Variants in DOCK4 observed in about 807,000 individuals in gnomAD.
The protein encoded by DOCK4 is dedicator of cytokinesis protein 4.
In DOCK4, 97 loss-of-function variants were observed where a neutral mutation model predicts 268.1. The ratio of observed to expected loss-of-function variants is 0.36; its 90% CI spans 0.31 to 0.43. The LOEUF is 0.43. Among genes scored for constraint, DOCK4 ranks in the 20% least tolerant of loss-of-function variants. DOCK4 has a pLI of 1.00. For missense variants in DOCK4, 2,145 were observed against 2,455.7 expected, an observed-to-expected ratio of 0.87 and a Z score of 2.67; for synonymous variants, 954 against 887.2, an observed-to-expected ratio of 1.08 and a Z score of -1.34.
chr7:111,836,738 A>G (rs1056121268), intron 25 of DOCK4, among the ~76,000 whole-genome samples: 1 of 152,162 alleles, frequency 6.6e-6, no homozygotes, highest in Non-Finnish European at 1.5e-5. Flanking sequence ...TTGTGAGATG[A>G]ATATTAATTG....
At chr7:111,778,970 G>A (rs1036040484) in intron 35 of DOCK4, among the ~76,000 whole-genome samples, 5 of 151,894 alleles carry the variant, frequency 3.3e-5, no homozygotes, top group Admixed American at 2.6e-4. Context: ...CAGGAGAATC[G>A]CTTGAACCCA....
At position 112,139,119 on chromosome 7, in the gene DOCK4, G is replaced by A. The variant is rs576632099; in HGVS notation, c.37+66983C>T. 1.2e-4 allele frequency among the ~76,000 whole-genome samples: 19 copies of A among 152,250 alleles called. No homozygotes were observed. The South Asian group carries it at 2.7e-3, about 22-fold the overall frequency. On this transcript the variant is annotated intron_variant, in intron 1 of 52. Transcript: ENST00000428084. ...AGGCAGTAATTGGTACCAAGAGTCA[G>A]GAAAGAGATAAGAAACCGGTAGCTT...
At chr7:111,931,128 G>C (rs1199194112) in intron 12 of DOCK4, among the ~76,000 whole-genome samples, 1 of 152,154 alleles carries the variant, frequency 6.6e-6, no homozygotes, top group African/African-American at 2.4e-5. Flanking sequence ...GAGGTCACAA[G>C]GACAGCGGAG....
At chr7:111,970,692 C>T (rs1797640685) in intron 8 of DOCK4, among the ~76,000 whole-genome samples, 2 of 152,036 alleles carry the variant, frequency 1.3e-5, no homozygotes. Flanking sequence ...CTGTATACAC[C>T]TCAAATAAAA....
At chr7:111,910,119 G>A (rs566901484) in intron 13 of DOCK4, among the ~76,000 whole-genome samples, 1 of 152,290 alleles carries the variant, frequency 6.6e-6, no homozygotes, top group East Asian at 1.9e-4. Flanking sequence ...TAAAGAAATA[G>A]GGTACAGGCA....
intron 1 of DOCK4, among the ~76,000 whole-genome samples, chr7:112,095,731 A>AT (rs147977054): frequency 0.018 from 2,767 of 152,214 alleles, 80 homozygotes; most frequent in African/African-American, 0.063. Flanking sequence ...TGAATAAGCA[A>AT]TTTTCATGAA....
chr7:111,970,226 A>G (rs529031787), intron 8 of DOCK4, among the ~76,000 whole-genome samples: 3 of 152,256 alleles, frequency 2.0e-5, no homozygotes, highest in African/African-American at 7.2e-5. Context: ...ATGAGTGTAG[A>G]GCAGTGATTT....
chr7:111,959,824 T>G (rs1425188674), intron 8 of DOCK4, among the ~76,000 whole-genome samples: 1 of 152,202 alleles, frequency 6.6e-6, no homozygotes, highest in Admixed American at 6.5e-5. Context: ...TTTCTCATTC[T>G]TTTCCACCTA....
chr7:111,822,276 C>T, intron 27 of DOCK4, 86 bp downstream of exon 27: 1 of 1,176,040 alleles, frequency 8.5e-7, no homozygotes, highest in African/African-American at 1.6e-5. Flanking sequence ...AAACTGCAAA[C>T]TTGAGATCAA....
chr7:111,983,851 C>CGCGT (rs1562961053), intron 7 of DOCK4, among the ~76,000 whole-genome samples: 5 of 81,420 alleles, frequency 6.1e-5, no homozygotes, highest in African/African-American at 2.6e-4. Context: ...CACACGCGCG[C>CGCGT]GCGCGCGCGC....
chr7:112,033,971 T>TGAA (rs2135471047), intron 1 of DOCK4, among the ~76,000 whole-genome samples: 1 of 152,328 alleles, frequency 6.6e-6, no homozygotes, highest in Non-Finnish European at 1.5e-5. Context: ...AAGGAGCACA[T>TGAA]TTTCAATTCA....
At chr7:112,008,802 T>G (rs1801058580) in intron 1 of DOCK4, among the ~76,000 whole-genome samples, 1 of 152,186 alleles carries the variant, frequency 6.6e-6, no homozygotes, top group Non-Finnish European at 1.5e-5. Context: ...GAGATCAGCC[T>G]TGCTAACATG....
intron 1 of DOCK4, among the ~76,000 whole-genome samples, chr7:112,157,859 G>T (rs925773136): frequency 6.6e-6 from 1 of 152,138 alleles, no homozygotes; most frequent in African/African-American, 2.4e-5. Flanking sequence ...ACTTGATCCC[G>T]TGTGACCAAT....
intron 1 of DOCK4, among the ~76,000 whole-genome samples, chr7:112,169,163 C>G (rs1817862375): frequency 6.6e-6 from 1 of 152,154 alleles, no homozygotes; most frequent in African/African-American, 2.4e-5. Context: ...TCTCCTGTTC[C>G]AGCCACGTAA....
chr7:111,954,615 G>A (rs866010938), intron 8 of DOCK4, among the ~76,000 whole-genome samples: 6 of 152,142 alleles, frequency 3.9e-5, no homozygotes, highest in African/African-American at 9.7e-5. Context: ...AGAGGTGGCC[G>A]GAAGACACAT....
intron 16 of DOCK4, among the ~76,000 whole-genome samples, chr7:111,892,874 C>G (rs1278522309): frequency 6.6e-6 from 1 of 152,190 alleles, no homozygotes; most frequent in Non-Finnish European, 1.5e-5. Flanking sequence ...AAGTATTTCA[C>G]AACTCTGTAA....
chr7:112,029,021 G>A (rs1317137487), intron 1 of DOCK4, among the ~76,000 whole-genome samples: 5 of 152,138 alleles, frequency 3.3e-5, no homozygotes, highest in African/African-American at 1.2e-4. Context: ...TGCAAGTAAG[G>A]TACAATTTTG....
intron 1 of DOCK4, among the ~76,000 whole-genome samples, chr7:112,075,847 G>T (rs1476887976): frequency 6.6e-6 from 1 of 151,624 alleles, no homozygotes; most frequent in African/African-American, 2.4e-5. Context: ...CAAAAGAAGT[G>T]TTGACATAAT....
Position 112,174,161 on chromosome 7 carries a change from T to C in DOCK4, c.37+31941A>G, listed in dbSNP as rs538665963. Among the ~76,000 whole-genome samples the C allele has an allele frequency of 3.2e-4, 48 of 152,262 alleles. 1 individual carries two copies. In the South Asian group the frequency reaches 1.0e-2, roughly 32 times the overall value. On this transcript the variant is annotated intron_variant, in intron 1 of 52. Coordinates refer to ENST00000428084, the MANE Select transcript of DOCK4 (RefSeq NM_001363540.2). ...GACCAGCTGCGGACCTTCAACTCTT[T>C]GGTCGGCTGTGAGAGTCTGTGGTAT...
Sources: allele counts gnomAD v4.1 joint callset (sites outside exome capture counted in the v4.1 genomes callset), GRCh38; gene constraint gnomAD v4.1.1; transcripts MANE v1.5; gene names NCBI Gene and HGNC (gene_info 2026-07-23, HGNC 2026-07-21).